ZNF385B: variants seen among roughly 807,000 people sequenced by gnomAD.
ZNF385B encodes the protein zinc finger protein 533.
Under a neutral mutation model 39.2 loss-of-function variants are expected in ZNF385B, and 23 were observed. The ratio of observed to expected loss-of-function variants is 0.59; its 90% CI spans 0.42 to 0.83. The LOEUF (loss-of-function observed/expected upper bound fraction) is 0.83. Ranked by LOEUF, ZNF385B falls within the 40% of genes least tolerant of loss-of-function variation. The pLI, the probability that ZNF385B is intolerant of heterozygous loss-of-function variation, is 0.00. For missense variants in ZNF385B, 552 were observed against 598.9 expected, an observed-to-expected ratio of 0.92 and a Z score of 0.82; for synonymous variants, 205 against 222.6, an observed-to-expected ratio of 0.92 and a Z score of 0.70.
chr2:179,777,303 C>A (rs532353955), intron 1 of ZNF385B, among the ~76,000 whole-genome samples: 3 of 152,156 alleles, frequency 2.0e-5, no homozygotes, highest in African/African-American at 7.2e-5. Context: ...GAGACTCTAT[C>A]AGTAGAAGGA....
intron 1 of ZNF385B, among the ~76,000 whole-genome samples, chr2:179,810,888 T>C (rs1374072432): frequency 1.3e-5 from 2 of 152,120 alleles, no homozygotes; most frequent in South Asian, 2.1e-4. Context: ...ACTGAAGATA[T>C]GATTTTATAC....
chr2:179,467,952 A>G (rs7596191), intron 6 of ZNF385B, among the ~76,000 whole-genome samples: 69,076 of 152,050 alleles, frequency 0.45, 16,492 homozygotes, highest in Middle Eastern at 0.59. Context: ...TACAATCCTG[A>G]CTTAGGATGT....
intron 5 of ZNF385B, among the ~76,000 whole-genome samples, chr2:179,502,507 A>T (rs2056856832): frequency 6.6e-6 from 1 of 152,204 alleles, no homozygotes; most frequent in East Asian, 1.9e-4. Context: ...GTTGTTTGAA[A>T]GTCTGTAACA....
Position 179,683,481 on chromosome 2 carries a change from T to C in ZNF385B, c.298+86022A>G, listed in dbSNP as rs1043791636. ...GTTTCATGTTTACATTTTTGAATTT[T>C]TTTTTTTTTTTTAGATGGCGTTTAT... On this transcript the variant is annotated intron_variant, in intron 3 of 9. Coordinates refer to ENST00000410066, the MANE Select transcript of ZNF385B (RefSeq NM_152520.6). Among the ~76,000 whole-genome samples the C allele has an allele frequency of 5.3e-5, 8 of 152,020 alleles. No individual in the cohort carries two copies. In the East Asian group the frequency reaches 1.6e-3, roughly 29 times the overall value.
chr2:179,589,451 C>T (rs1267259658), intron 3 of ZNF385B, among the ~76,000 whole-genome samples: 3 of 152,034 alleles, frequency 2.0e-5, no homozygotes, highest in Admixed American at 6.6e-5. Flanking sequence ...AAAGAAGTCT[C>T]GGAAAAGGGA....
At chr2:179,731,408 G>A (rs1191132994) in intron 3 of ZNF385B, among the ~76,000 whole-genome samples, 2 of 150,958 alleles carry the variant, frequency 1.3e-5, no homozygotes, top group African/African-American at 2.4e-5. Flanking sequence ...TCTTTGCCAT[G>A]TGTACTTTCT....
chr2:179,640,338 A>T (rs1042115080), intron 3 of ZNF385B, among the ~76,000 whole-genome samples: 1 of 152,134 alleles, frequency 6.6e-6, no homozygotes, highest in Non-Finnish European at 1.5e-5. Flanking sequence ...TAGGATGTCC[A>T]TGCTGAAGAA....
chr2:179,784,493 C>T (rs1233340085), intron 1 of ZNF385B, among the ~76,000 whole-genome samples: 1 of 151,860 alleles, frequency 6.6e-6, no homozygotes, highest in Non-Finnish European at 1.5e-5. Context: ...GAAAAAAAAA[C>T]TGTTGCTTCA....
chr2:179,761,031 T>G (rs557195292), intron 3 of ZNF385B, among the ~76,000 whole-genome samples: 1 of 152,164 alleles, frequency 6.6e-6, no homozygotes, highest in Non-Finnish European at 1.5e-5. Context: ...TTTGTACCTT[T>G]ATCAAAAAAT....
chr2:179,760,022 C>A (rs1334313489), intron 3 of ZNF385B, among the ~76,000 whole-genome samples: 3 of 150,752 alleles, frequency 2.0e-5, no homozygotes, highest in South Asian at 2.1e-4. Flanking sequence ...TTCTTGAACA[C>A]CTTGCCCAGC....
chr2:179,618,623 T>C (rs1689953669), intron 3 of ZNF385B, among the ~76,000 whole-genome samples: 1 of 152,196 alleles, frequency 6.6e-6, no homozygotes, highest in South Asian at 2.1e-4. Flanking sequence ...CAGGAGGTTA[T>C]GGAGAGAATC....
At chr2:179,762,683 G>T (rs1703472484) in intron 3 of ZNF385B, among the ~76,000 whole-genome samples, 1 of 152,102 alleles carries the variant, frequency 6.6e-6, no homozygotes. Flanking sequence ...TCTGATTTGG[G>T]TATTAGGATA....
At chr2:179,721,693 T>A (rs1700707831) in intron 3 of ZNF385B, among the ~76,000 whole-genome samples, 1 of 139,570 alleles carries the variant, frequency 7.2e-6, no homozygotes. Flanking sequence ...TAACAAAAAT[T>A]GTTAGTATAC....
chr2:179,493,612 CGTACATATATGTAT>C (rs2055585698), intron 5 of ZNF385B, among the ~76,000 whole-genome samples: 1 of 113,370 alleles, frequency 8.8e-6, no homozygotes, highest in African/African-American at 3.1e-5. Flanking sequence ...CATATATGTA[CGTACATATATGTAT>C]ACGCATATGT....
Position 179,587,489 on chromosome 2 carries a change from T to G in ZNF385B, c.299-42520A>C, listed in dbSNP as rs184499533. ...CATGACCACAGTAAAACAGAGCACT[T>G]AACTGATGAATCTGTTTTATTTGGA... On this transcript the variant is annotated intron_variant, in intron 3 of 9. Coordinates refer to ENST00000410066, the MANE Select transcript of ZNF385B (RefSeq NM_152520.6). 3.3e-5 allele frequency among the ~76,000 whole-genome samples: 5 copies of G among 152,348 alleles called. No homozygotes were observed. In the East Asian group the frequency reaches 9.6e-4, roughly 29 times the overall value.
chr2:179,493,722 C>CATATGT (rs2055699901), intron 5 of ZNF385B, among the ~76,000 whole-genome samples: 14 of 59,280 alleles, frequency 2.4e-4, no homozygotes, highest in Middle Eastern at 9.1e-3. Flanking sequence ...TATGCATATA[C>CATATGT]GTATATACAT....
chr2:179,860,001 T>G (rs1684910833), intron 1 of ZNF385B, among the ~76,000 whole-genome samples: 1 of 152,202 alleles, frequency 6.6e-6, no homozygotes, highest in Non-Finnish European at 1.5e-5. Context: ...ATAAATGCAT[T>G]TCCTACCGTT....
Position 179,699,568 on chromosome 2 carries a change from A to G in ZNF385B, c.298+69935T>C, listed in dbSNP as rs141602278. Among the ~76,000 whole-genome samples the G allele has an allele frequency of 1.2e-4, 18 of 152,344 alleles. No homozygotes were observed. The East Asian group carries it at 1.3e-3, about 11-fold the overall frequency. On this transcript the variant is annotated intron_variant, in intron 3 of 9. Coordinates refer to ENST00000410066, the MANE Select transcript of ZNF385B (RefSeq NM_152520.6). ...AAAGAATAATTTCTTATTTGATTGG[A>G]TAATTCCTGCTTTCAACAAAAGATG... is the stretch of plus-strand genomic sequence containing the variant.
intron 5 of ZNF385B, among the ~76,000 whole-genome samples, chr2:179,504,672 G>T (rs200346864): frequency 3.9e-5 from 6 of 151,952 alleles, no homozygotes; most frequent in Non-Finnish European, 7.4e-5. Flanking sequence ...GTGGGGAGAG[G>T]GGGGAGGGAT....
Sources: gnomAD v4.1 joint callset for allele counts (sites outside exome capture counted in the v4.1 genomes callset) on GRCh38, gnomAD v4.1.1 for gene constraint, MANE v1.5 for transcripts, NCBI Gene and HGNC (gene_info 2026-07-23, HGNC 2026-07-21) for gene names.